Variants in NSUN6 observed in about 807,000 individuals in gnomAD.
NSUN6 encodes the protein tRNA (cytosine(72)-C(5))-methyltransferase NSUN6.
NSUN6 carries 64 observed loss-of-function variants against 58.0 expected under a neutral mutation model. The observed-to-expected ratio is 1.10, with a 90% CI of 0.90 to 1.36. The LOEUF (loss-of-function observed/expected upper bound fraction) is 1.36. Among genes scored for constraint, NSUN6 ranks in the 40% most tolerant of loss-of-function variants. The pLI, the probability that NSUN6 is intolerant of heterozygous loss-of-function variation, is 0.00. For synonymous variants in NSUN6, 231 were observed against 193.9 expected (o/e 1.19, Z -1.59); for missense variants, 701 against 550.1 (o/e 1.27, Z -2.74).
chr10:18,612,202 T>C (rs928024009), intron 5 of NSUN6, among the ~76,000 whole-genome samples: 8 of 152,010 alleles, frequency 5.3e-5, no homozygotes, highest in African/African-American at 1.9e-4. Flanking sequence ...GAGAACTGCT[T>C]GAGACCAGAA....
intron 8 of NSUN6, among the ~76,000 whole-genome samples, chr10:18,574,990 T>G (rs1411250887): frequency 6.6e-6 from 1 of 151,944 alleles, no homozygotes; most frequent in Non-Finnish European, 1.5e-5. Context: ...CCCATCTCCC[T>G]CCTCCTACTG....
chr10:18,656,868 C>A (rs900228901), upstream of NSUN6, among the ~76,000 whole-genome samples: 1 of 142,274 alleles, frequency 7.0e-6, no homozygotes, highest in African/African-American at 2.6e-5. Context: ...TCACTGTCAC[C>A]CAGGCTGGAG....
chr10:18,558,181 G>A (rs995649518), intron 8 of NSUN6, among the ~76,000 whole-genome samples: 19 of 151,470 alleles, frequency 1.3e-4, no homozygotes, highest in African/African-American at 4.6e-4. Context: ...GGAATGGAAT[G>A]GAATGCACAG....
chr10:18,624,328 T>A (rs554021187), intron 3 of NSUN6, among the ~76,000 whole-genome samples: 1 of 151,934 alleles, frequency 6.6e-6, no homozygotes, highest in African/African-American at 2.4e-5. Context: ...TTATCTCCTA[T>A]ACTATTGACA....
intron 3 of NSUN6, among the ~76,000 whole-genome samples, chr10:18,623,917 T>C (rs2058697236): frequency 6.6e-6 from 1 of 152,154 alleles, no homozygotes; most frequent in Admixed American, 6.5e-5. Flanking sequence ...ACTAGTCCCA[T>C]AGGCATGCTC....
chr10:18,609,939 A>C lies in NSUN6; in HGVS notation c.576-13T>G. 6 of 1,487,664 alleles carry C rather than the reference A, an allele frequency of 4.0e-6. No homozygotes were observed. Among genetic ancestry groups the C allele is most frequent in the Non-Finnish European group, 5.6e-6 (6 of 1,065,186 alleles). 92.2% of individuals were successfully genotyped at this position (1,487,664 alleles called of 1,614,324 possible). ...TATGCCCATGCCTCTGAAAAATAGG[A>C]AATCTAACATTAGTCTGTATAAATT... On this transcript the variant is annotated splice_polypyrimidine_tract_variant and intron_variant, in intron 5 of 10. Transcript: ENST00000377304.
In NSUN6 at chr10:18,651,444, C is replaced by T. The variant is rs2059703537; in HGVS notation, c.-241G>A. 1.7e-6 allele frequency: 2 copies of T among 1,210,286 alleles called. No individual in the cohort carries two copies. Among genetic ancestry groups the T allele is most frequent in the African/African-American group, 1.6e-5 (1 of 63,666 alleles). 75.0% of individuals were successfully genotyped at this position (1,210,286 alleles called of 1,614,324 possible). A position where few individuals can be genotyped will look rare whatever the true frequency, so the allele number is the denominator to read the frequency against. ...GAGGCAATGTTTTCTGGTAGAGATG[C>T]TCATGGAAATCACTGAGCCAATGCC... On this transcript the variant is annotated 5_prime_UTR_variant, in exon 1 of 11. Coordinates refer to ENST00000377304, the MANE Select transcript of NSUN6 (RefSeq NM_182543.5).
At chr10:18,648,343 T>C in intron 2 of NSUN6, 147 bp downstream of exon 2, 2 of 535,732 alleles carry the variant, frequency 3.7e-6, no homozygotes, top group South Asian at 6.2e-5. Flanking sequence ...CCACCTAGGA[T>C]AACTTTGAAG....
chr10:18,639,234 C>T (rs1242166867), intron 3 of NSUN6, among the ~76,000 whole-genome samples: 3 of 152,158 alleles, frequency 2.0e-5, no homozygotes, highest in Non-Finnish European at 4.4e-5. Flanking sequence ...GTGGCTCACA[C>T]CTGTAATCCC....
intron 8 of NSUN6, among the ~76,000 whole-genome samples, chr10:18,559,429 GGAGAATGGAACA>G (rs1203898865): frequency 6.6e-6 from 1 of 150,656 alleles, no homozygotes; most frequent in African/African-American, 2.4e-5. Flanking sequence ...GGAATGGAAT[GGAGAATGGAACA>G]GAATGGAGAA....
chr10:18,598,827 G>A (rs538076437), intron 6 of NSUN6, among the ~76,000 whole-genome samples: 2 of 152,242 alleles, frequency 1.3e-5, no homozygotes, highest in South Asian at 2.1e-4. Flanking sequence ...ACTAATACAC[G>A]TTTAAAGCGG....
chr10:18,637,579 G>A (rs931229929), intron 3 of NSUN6, among the ~76,000 whole-genome samples: 7 of 152,192 alleles, frequency 4.6e-5, no homozygotes, highest in African/African-American at 1.7e-4. Context: ...CTGGTAATAT[G>A]TCTCCAACTA....
At chr10:18,641,585 G>A (rs1458432034) in intron 3 of NSUN6, among the ~76,000 whole-genome samples, 1 of 151,858 alleles carries the variant, frequency 6.6e-6, no homozygotes, top group Non-Finnish European at 1.5e-5. Context: ...GCCCAGACTG[G>A]TCTCCAACCC....
At chr10:18,651,858 A>G (rs935851554), upstream of NSUN6, 1 of 985,456 alleles carries the variant, frequency 1.0e-6, no homozygotes, top group Non-Finnish European at 1.2e-6. Flanking sequence ...GCCAGGGGCA[A>G]TGGGGAAACA....
At position 18,586,411 on chromosome 10, in the gene NSUN6, T is replaced by C. The variant is rs2057143036; in HGVS notation, c.778-318A>G. On this transcript the variant is annotated intron_variant, in intron 7 of 10. Coordinates refer to ENST00000377304, the MANE Select transcript of NSUN6 (RefSeq NM_182543.5). ...TCTGGAGTTTCTTCCTTCCGGTCGG[T>C]TCATGGTCTCCCTGACTTCAGGAGT... 2.0e-5 allele frequency among the ~76,000 whole-genome samples: 3 copies of C among 152,180 alleles called. No homozygotes were observed. In the South Asian group the frequency reaches 6.2e-4, roughly 32 times the overall value.
At chr10:18,560,660 A>AGAATGGAGAATG (rs1489527683) in intron 8 of NSUN6, among the ~76,000 whole-genome samples, 2 of 134,486 alleles carry the variant, frequency 1.5e-5, no homozygotes, top group Non-Finnish European at 3.2e-5. Context: ...AATGGAATGG[A>AGAATGGAGAATG]GAATGGAGAA....
At chr10:18,634,040 A>T (rs563101476) in intron 3 of NSUN6, among the ~76,000 whole-genome samples, 17 of 152,248 alleles carry the variant, frequency 1.1e-4, no homozygotes, top group Non-Finnish European at 2.2e-4. Flanking sequence ...CTTCTTGAGC[A>T]AACTGCAAAT....
At chr10:18,557,205 T>C (rs943655804) in intron 8 of NSUN6, among the ~76,000 whole-genome samples, 1 of 146,200 alleles carries the variant, frequency 6.8e-6, no homozygotes, top group African/African-American at 2.5e-5. Context: ...GGAATGCGTA[T>C]GCAATGGAGA....
intron 3 of NSUN6, among the ~76,000 whole-genome samples, chr10:18,627,703 T>C (rs1303107467): frequency 2.6e-5 from 4 of 152,228 alleles, no homozygotes; most frequent in Admixed American, 6.5e-5. Flanking sequence ...GCTTTTCCGA[T>C]TGGCTTAAAA....
Sources: allele counts gnomAD v4.1 joint callset (sites outside exome capture counted in the v4.1 genomes callset), GRCh38; gene constraint gnomAD v4.1.1; transcripts MANE v1.5; gene names NCBI Gene and HGNC (gene_info 2026-07-23, HGNC 2026-07-21).